GARNL3: variants seen among roughly 807,000 people sequenced by gnomAD.
The protein encoded by GARNL3 is GTPase activating Rap/RanGAP domain like 3, also known as GTPase-activating Rap/Ran-GAP domain-like protein 3.
GARNL3 carries 63 observed loss-of-function variants against 125.0 expected under a neutral mutation model. That is an observed-to-expected ratio of 0.50 (90% CI 0.41 to 0.62). GARNL3 has a LOEUF of 0.62. Among genes scored for constraint, GARNL3 ranks in the 20% least tolerant of loss-of-function variants. GARNL3 has a pLI of 0.00. For synonymous variants in GARNL3, 439 were observed against 457.5 expected (o/e 0.96, Z 0.52); for missense variants, 994 against 1,244.0 (o/e 0.80, Z 3.02).
At chr9:127,323,460 C>G (rs938342722) in intron 6 of GARNL3, among the ~76,000 whole-genome samples, 1 of 152,200 alleles carries the variant, frequency 6.6e-6, no homozygotes, top group African/African-American at 2.4e-5. Flanking sequence ...TCAGCCGGGA[C>G]TCCTGTTGCA....
intron 10 of GARNL3, among the ~76,000 whole-genome samples, chr9:127,335,677 A>C (rs1040329511): frequency 4.0e-5 from 6 of 151,836 alleles, no homozygotes; most frequent in Non-Finnish European, 8.8e-5. Flanking sequence ...ACATTCTTCT[A>C]TCCAACATGG....
intron 8 of GARNL3, 65 bp downstream of exon 8, chr9:127,332,414 G>A (rs945332181): frequency 7.8e-6 from 10 of 1,281,152 alleles, no homozygotes; most frequent in South Asian, 6.1e-5. Context: ...ATTCTTGCCA[G>A]TTGGAGCTTA....
Position 127,385,235 on chromosome 9 carries a change from A to G in GARNL3, c.2388+90A>G. ...TGAGCACAGAAGCCGCCTCTTGTCA[A>G]GTTAGGCTGATGAAGACCGGTGTCA... is the stretch of plus-strand genomic sequence containing the variant. On this transcript the variant is annotated intron_variant, in intron 24 of 27. Coordinates refer to ENST00000373387, the MANE Select transcript of GARNL3 (RefSeq NM_032293.5). This position sits in a 1 kb window ranked among gnomAD's most constrained non-coding sequence, Gnocchi z 4.1. 1 of 694,986 alleles carries G rather than the reference A, an allele frequency of 1.4e-6. No homozygotes were observed. The highest frequency in any genetic ancestry group is 2.4e-6 in the Non-Finnish European group (1 of 417,298). 43.1% of individuals were successfully genotyped at this position (694,986 alleles called of 1,614,324 possible).
At chr9:127,283,530 C>T (rs7850372) in intron 1 of GARNL3, among the ~76,000 whole-genome samples, 268 of 152,144 alleles carry the variant, frequency 1.8e-3, no homozygotes, top group Middle Eastern at 0.017. Context: ...AGTAGCCAAG[C>T]GTGGTGGCAT....
At position 127,388,947 on chromosome 9, in the gene GARNL3, C is replaced by G; in HGVS notation, c.2571C>G (p.Asn857Lys). 1.2e-6 allele frequency: 2 copies of G among 1,613,274 alleles called. No homozygotes were observed. Among genetic ancestry groups the G allele is most frequent in the South Asian group, 2.2e-5 (2 of 91,060 alleles). The change falls in exon 26 of 28, where the codon AAC becomes AAG. Residue 857 changes from asparagine to lysine, a missense_variant. Transcript: ENST00000373387. ...ATCTGTACAAGATTCCACTTAGAAA[C>G]CTCGTGGGCAGAAGCATCGAACGAC... ...SKNLYKIPLR[N>K]LVGRSIERPL...
At chr9:127,279,094 A>G (rs971456229) in intron 1 of GARNL3, among the ~76,000 whole-genome samples, 4 of 152,142 alleles carry the variant, frequency 2.6e-5, no homozygotes, top group South Asian at 4.1e-4. Flanking sequence ...TTCAACCAGT[A>G]CAGTTACCTT....
chr9:127,246,661 G>C (rs2063309046), intron 2 of GARNL3, among the ~76,000 whole-genome samples: 1 of 152,106 alleles, frequency 6.6e-6, no homozygotes, highest in African/African-American at 2.4e-5. Context: ...CAAAAAATCA[G>C]CCAGGTGGGG....
rs372346534 is a variant in GARNL3, at chr9:127,357,495, C to T, written c.2094+118C>T. ...TAAAATTATGTACTATTCATCACATCAGTATTATGTGATTCACTATTTAGA... is the reference window on the plus strand; with the variant it reads ...TAAAATTATGTACTATTCATCACATTAGTATTATGTGATTCACTATTTAGA... On this transcript the variant is annotated intron_variant, in intron 21 of 27. Coordinates refer to ENST00000373387, the MANE Select transcript of GARNL3 (RefSeq NM_032293.5). 15 of 936,720 alleles carry T rather than the reference C, an allele frequency of 1.6e-5. No homozygotes were observed. In the East Asian group the frequency reaches 2.9e-4, roughly 18 times the overall value. The allele number at this position is 936,720 out of a possible 1,614,324, so 58.0% of individuals were successfully genotyped here. A position where few individuals can be genotyped will look rare whatever the true frequency, so the allele number is the denominator to read the frequency against.
At chr9:127,378,093 TAGCC>T (rs1265239546) in intron 22 of GARNL3, among the ~76,000 whole-genome samples, 1 of 150,762 alleles carries the variant, frequency 6.6e-6, no homozygotes, top group Admixed American at 6.6e-5. Flanking sequence ...TACAAAAAAT[TAGCC>T]AGGCATGGTG....
rs369683175 is a variant in GARNL3, at chr9:127,272,456, G to A, written c.144+7435G>A. On this transcript the variant is annotated intron_variant, in intron 1 of 27. Coordinates refer to ENST00000373387, the MANE Select transcript of GARNL3 (RefSeq NM_032293.5). ...ACAGATGTTCTTTAAAATTTATCTG[G>A]CTTATATCTGTGTCTCACATAGCAG... is the stretch of plus-strand genomic sequence containing the variant. 1.7e-4 allele frequency among the ~76,000 whole-genome samples: 25 copies of A among 149,656 alleles called. 3 individuals are homozygous for A. Among genetic ancestry groups the A allele is most frequent in the African/African-American group, 6.4e-4 (25 of 39,224 alleles).
chr9:127,235,897 T>C (rs1422159755), intron 1 of GARNL3, among the ~76,000 whole-genome samples: 1 of 152,154 alleles, frequency 6.6e-6, no homozygotes, highest in Non-Finnish European at 1.5e-5. Context: ...GGAATGTGAG[T>C]TGAAAATTTG....
At chr9:127,346,843 T>G (rs979036613) in intron 16 of GARNL3, among the ~76,000 whole-genome samples, 1 of 152,176 alleles carries the variant, frequency 6.6e-6, no homozygotes, top group Non-Finnish European at 1.5e-5. Flanking sequence ...ACTCATCGTT[T>G]CATGAGCTGT....
chr9:127,376,507 C>T (rs1332754715), intron 22 of GARNL3, among the ~76,000 whole-genome samples: 1 of 152,166 alleles, frequency 6.6e-6, no homozygotes, highest in Non-Finnish European at 1.5e-5. Flanking sequence ...CATGAGTCAC[C>T]GTGCTGGGCC....
upstream of GARNL3, chr9:127,264,622 C>T: frequency 8.9e-7 from 1 of 1,117,550 alleles, no homozygotes; most frequent in Non-Finnish European, 1.1e-6. Context: ...GGGCTTCTCT[C>T]CTCTCTGGTT....
In GARNL3 at chr9:127,266,382, G is replaced by A. The variant is rs2063707001; in HGVS notation, c.144+1361G>A. On this transcript the variant is annotated intron_variant, in intron 1 of 27. Coordinates refer to ENST00000373387, the MANE Select transcript of GARNL3 (RefSeq NM_032293.5). This position sits in a 1 kb window ranked among gnomAD's most constrained non-coding sequence, Gnocchi z 4.0. The stretch of plus-strand genomic sequence containing the variant: ...ATTCCTGGCAATGCCGTGTCCCAAG[G>A]CAATGAGCAAATGGTCCTGCCTAGC... Among the ~76,000 whole-genome samples, 1 of 152,188 alleles carries A rather than the reference G, an allele frequency of 6.6e-6. No individual in the cohort carries two copies. The highest frequency in any genetic ancestry group is 2.1e-4 in the South Asian group (1 of 4,832).
Position 127,309,878 on chromosome 9 carries a change from G to A in GARNL3, c.220-1758G>A, listed in dbSNP as rs566293777. On this transcript the variant is annotated intron_variant, in intron 2 of 27. Coordinates refer to ENST00000373387, the MANE Select transcript of GARNL3 (RefSeq NM_032293.5). The stretch of plus-strand genomic sequence containing the variant: ...AGTAAATCGCTAGAGGCATGTCAAA[G>A]TCAGAGAGTATGTTCCAGTAGTCTG... Among the ~76,000 whole-genome samples, 5 of 152,302 alleles carry A rather than the reference G, an allele frequency of 3.3e-5. No individual in the cohort carries two copies. The South Asian group carries it at 8.3e-4, about 25-fold the overall frequency.
chr9:127,372,774 A>G (rs1831678039), intron 22 of GARNL3, among the ~76,000 whole-genome samples: 1 of 152,156 alleles, frequency 6.6e-6, no homozygotes, highest in South Asian at 2.1e-4. Context: ...TTTAAACTCT[A>G]CCCAGATAAT....
intron 6 of GARNL3, among the ~76,000 whole-genome samples, chr9:127,323,195 A>T (rs1296405129): frequency 6.6e-6 from 1 of 152,208 alleles, no homozygotes; most frequent in Non-Finnish European, 1.5e-5. Context: ...CCAAAATTAT[A>T]CTTTCTGGGC....
At chr9:127,258,160 A>G (rs1161964499) in intron 2 of GARNL3, among the ~76,000 whole-genome samples, 4 of 152,146 alleles carry the variant, frequency 2.6e-5, no homozygotes, top group African/African-American at 7.2e-5. Context: ...ATCCTGGTAC[A>G]AGGAACACAT....
Sources: allele counts gnomAD v4.1 joint callset (sites outside exome capture counted in the v4.1 genomes callset), GRCh38; gene constraint gnomAD v4.1.1; non-coding constraint Gnocchi (gnomAD v3.1); transcripts MANE v1.5; gene names NCBI Gene and HGNC (gene_info 2026-07-23, HGNC 2026-07-21).